The following FRMD4A variants were observed in gnomAD, a reference collection of about 807,000 sequenced individuals.
FRMD4A encodes the protein FERM domain containing 4A.
Under a neutral mutation model 129.1 loss-of-function variants are expected in FRMD4A, and 29 were observed. That is an observed-to-expected ratio of 0.22 (90% confidence interval 0.17 to 0.31). The LOEUF (loss-of-function observed/expected upper bound fraction) is 0.31, where lower values mean the gene tolerates loss of function less well. Ranked by LOEUF, FRMD4A falls within the 10% of genes least tolerant of loss-of-function variation. The pLI is 1.00. For missense variants in FRMD4A, 1,272 were observed against 1,375.8 expected, an observed-to-expected ratio of 0.92 and a Z score of 1.19; for synonymous variants, 634 against 571.6, an observed-to-expected ratio of 1.11 and a Z score of -1.56.
Position 13,817,874 on chromosome 10 carries a change from T to C in FRMD4A, c.112-6966A>G, listed in dbSNP as rs760336045. Among the ~76,000 whole-genome samples, 61 of 152,194 alleles carry C rather than the reference T, an allele frequency of 4.0e-4. 1 individual carries two copies. Among genetic ancestry groups the C allele is most frequent in the Non-Finnish European group, 4.3e-4 (29 of 68,028 alleles). On this transcript the variant is annotated intron_variant, in intron 3 of 24. Transcript: ENST00000357447. ...TTCCATGAGCCCTTCAGGTAAATTC[T>C]GGGGAAAGGAATTCAAGGATGAGGT...
chr10:13,719,876 C>T (rs1588415065), intron 12 of FRMD4A, among the ~76,000 whole-genome samples: 1 of 152,196 alleles, frequency 6.6e-6, no homozygotes, highest in Non-Finnish European at 1.5e-5. Context: ...ACTCTGTGTT[C>T]TTTTGGTGCT....
intron 4 of FRMD4A, among the ~76,000 whole-genome samples, chr10:13,808,669 T>C (rs2093397269): frequency 6.6e-6 from 1 of 152,220 alleles, no homozygotes; most frequent in Admixed American, 6.5e-5. Flanking sequence ...TCACCTCCTC[T>C]GGGCTCCTGA....
chr10:14,103,605 T>C (rs1227685723), intron 2 of FRMD4A, among the ~76,000 whole-genome samples: 2 of 152,218 alleles, frequency 1.3e-5, no homozygotes, highest in Non-Finnish European at 2.9e-5. Context: ...CTAGTAAGCA[T>C]TAGTTTTTTT....
chr10:13,790,032 G>C lies in FRMD4A; in HGVS notation c.299+6464C>G, dbSNP rs560041223. Among the ~76,000 whole-genome samples, 55 of 152,210 alleles carry C rather than the reference G, an allele frequency of 3.6e-4. No individual in the cohort carries two copies. The South Asian group carries it at 0.011, about 30-fold the overall frequency. On this transcript the variant is annotated intron_variant, in intron 5 of 24. Transcript: ENST00000357447. ...ATGAACAAGGAGATCTTGAGTCCAG[G>C]AGAGGTTTATGGAAGCCCTAATTAC...
At chr10:14,177,057 C>T (rs1311113461) in intron 2 of FRMD4A, among the ~76,000 whole-genome samples, 4 of 152,134 alleles carry the variant, frequency 2.6e-5, no homozygotes, top group East Asian at 1.9e-4. Context: ...TTTTTACTTT[C>T]GACAATTCTT....
At chr10:13,966,386 A>T (rs974565920) in intron 2 of FRMD4A, among the ~76,000 whole-genome samples, 1 of 152,228 alleles carries the variant, frequency 6.6e-6, no homozygotes, top group Non-Finnish European at 1.5e-5. Context: ...TGCTGTAATT[A>T]AAAGTAATGG....
chr10:13,958,223 A>G (rs1420790252), intron 2 of FRMD4A, among the ~76,000 whole-genome samples: 2 of 150,414 alleles, frequency 1.3e-5, no homozygotes, highest in African/African-American at 2.5e-5. Flanking sequence ...CTTCTAACTC[A>G]TTAAAGATTG....
At chr10:13,772,166 A>ATATAT (rs572578793) in intron 6 of FRMD4A, among the ~76,000 whole-genome samples, 1 of 135,758 alleles carries the variant, frequency 7.4e-6, no homozygotes, top group African/African-American at 2.8e-5. Context: ...ATAATATATA[A>ATATAT]TATATTATAT....
At chr10:14,123,825 G>A (rs780887832) in intron 2 of FRMD4A, among the ~76,000 whole-genome samples, 4 of 152,132 alleles carry the variant, frequency 2.6e-5, no homozygotes, top group Non-Finnish European at 4.4e-5. Context: ...AGCGGGCTCC[G>A]TGGTCACTTA....
intron 2 of FRMD4A, among the ~76,000 whole-genome samples, chr10:14,129,937 C>G (rs534995300): frequency 6.6e-6 from 1 of 152,160 alleles, no homozygotes; most frequent in African/African-American, 2.4e-5. Flanking sequence ...GCGAGATGTT[C>G]CATTCCCTCT....
chr10:14,140,939 G>T (rs539688181), intron 2 of FRMD4A, among the ~76,000 whole-genome samples: 3 of 152,196 alleles, frequency 2.0e-5, no homozygotes, highest in African/African-American at 7.2e-5. Context: ...AGGCAAAGTG[G>T]CAGGGACCGG....
chr10:14,024,926 G>A (rs144391521), intron 2 of FRMD4A, among the ~76,000 whole-genome samples: 2 of 152,350 alleles, frequency 1.3e-5, no homozygotes, highest in East Asian at 1.9e-4. Flanking sequence ...GGAGTGTATT[G>A]TCGAACGGGG....
At chr10:13,936,177 C>A (rs998629129) in intron 2 of FRMD4A, among the ~76,000 whole-genome samples, 2 of 152,160 alleles carry the variant, frequency 1.3e-5, no homozygotes, top group Non-Finnish European at 2.9e-5. Context: ...TGTGTATAAT[C>A]CAGGAAAGCT....
At chr10:14,164,808 C>T (rs947848435) in intron 2 of FRMD4A, among the ~76,000 whole-genome samples, 2 of 152,156 alleles carry the variant, frequency 1.3e-5, no homozygotes, top group African/African-American at 2.4e-5. Flanking sequence ...ACCTGCAACC[C>T]ACGATGGCTT....
chr10:14,090,994 T>A (rs978734152), intron 2 of FRMD4A, among the ~76,000 whole-genome samples: 2 of 152,036 alleles, frequency 1.3e-5, no homozygotes, highest in Non-Finnish European at 2.9e-5. Context: ...TTTGACTGCC[T>A]TGTGAAATAT....
chr10:13,855,150 T>A (rs998699900), intron 3 of FRMD4A, among the ~76,000 whole-genome samples: 7 of 152,218 alleles, frequency 4.6e-5, no homozygotes, highest in Non-Finnish European at 7.3e-5. Flanking sequence ...AACATTAGGA[T>A]GACAGGCATT....
chr10:14,196,159 ACACATACACACACACAC>A (rs1842466670), intron 2 of FRMD4A, among the ~76,000 whole-genome samples: 1 of 123,558 alleles, frequency 8.1e-6, no homozygotes, highest in Admixed American at 8.1e-5. Context: ...TCACATGCAC[ACACATACACACACACAC>A]ACACACACAC....
At chr10:14,292,564 C>G (rs966007102) in intron 2 of FRMD4A, among the ~76,000 whole-genome samples, 1 of 152,176 alleles carries the variant, frequency 6.6e-6, no homozygotes, top group African/African-American at 2.4e-5. Context: ...CTTTGGGAGG[C>G]CAAGGCCAGT....
At chr10:14,246,415 G>T (rs942106429) in intron 2 of FRMD4A, among the ~76,000 whole-genome samples, 1 of 150,732 alleles carries the variant, frequency 6.6e-6, no homozygotes, top group Non-Finnish European at 1.5e-5. Context: ...ACAAGTGCAC[G>T]CATACACACT....
Sources: gnomAD v4.1 joint callset for allele counts (sites outside exome capture counted in the v4.1 genomes callset) on GRCh38, gnomAD v4.1.1 for gene constraint, MANE v1.5 for transcripts, NCBI Gene and HGNC (gene_info 2026-07-23, HGNC 2026-07-21) for gene names.